Variants in SUDS3 observed in about 807,000 individuals in gnomAD.
The protein encoded by SUDS3 is sin3 histone deacetylase corepressor complex component SDS3.
In SUDS3, 23 loss-of-function variants were observed where a neutral mutation model predicts 53.5. That is an observed-to-expected ratio of 0.43 (90% CI 0.31 to 0.61). The LOEUF is 0.61. SUDS3 is among the 20% of genes least tolerant of loss of function. The pLI is 0.10. For missense variants in SUDS3, 291 were observed against 405.9 expected (o/e 0.72, Z 2.43); for synonymous variants, 150 against 148.5 (o/e 1.01, Z -0.08).
chr12:118,405,477 A>T (rs1209541889), intron 10 of SUDS3, among the ~76,000 whole-genome samples: 3 of 152,188 alleles, frequency 2.0e-5, no homozygotes, highest in African/African-American at 7.2e-5. Context: ...ATGTGTTAGA[A>T]CTCCTAAGCA....
At chr12:118,402,840 A>C (rs1347215753) in intron 9 of SUDS3, among the ~76,000 whole-genome samples, 1 of 151,366 alleles carries the variant, frequency 6.6e-6, no homozygotes, top group South Asian at 2.1e-4. Flanking sequence ...GGCTCAGTGC[A>C]ACCTCCGACT....
chr12:118,401,856 A>G (rs1176016804), intron 8 of SUDS3, 36 bp downstream of exon 8: 4 of 1,608,066 alleles, frequency 2.5e-6, no homozygotes, highest in African/African-American at 1.3e-5. Context: ...TTGAAAACTC[A>G]GGCTTTTGTG....
At chr12:118,406,476 T>G (rs1326990112) in intron 10 of SUDS3, among the ~76,000 whole-genome samples, 1 of 152,230 alleles carries the variant, frequency 6.6e-6, no homozygotes, top group Non-Finnish European at 1.5e-5. Flanking sequence ...GTCCACCTTC[T>G]TAAGAAATTG....
intron 4 of SUDS3, among the ~76,000 whole-genome samples, chr12:118,386,785 TA>T (rs1392867979): frequency 6.6e-6 from 1 of 152,204 alleles, no homozygotes. Context: ...TGACAAAAGA[TA>T]CCACATGTAT....
Position 118,410,046 on chromosome 12 carries a change from C to T in SUDS3, c.804-1027C>T, listed in dbSNP as rs563051162. On this transcript the variant is annotated intron_variant, in intron 10 of 11. Transcript: ENST00000543473. The stretch of plus-strand genomic sequence containing the variant: ...GCCAAATTAGATACCCTTTGGTATA[C>T]GTCATGGCACTTGGAACTTTGCCTG... Among the ~76,000 whole-genome samples, 29 of 152,342 alleles carry T rather than the reference C, an allele frequency of 1.9e-4. 1 individual carries two copies. The South Asian group carries it at 5.8e-3, about 30-fold the overall frequency.
chr12:118,400,133 G>A (rs572192710), intron 6 of SUDS3, among the ~76,000 whole-genome samples: 12 of 152,024 alleles, frequency 7.9e-5, no homozygotes, highest in African/African-American at 2.7e-4. Flanking sequence ...TGATAGTCAA[G>A]TAGCTACAAA....
chr12:118,401,743 C>G lies in SUDS3; in HGVS notation c.614-16C>G. Reference sequence around the variant, plus strand: ...GAAACTGTACTTTTCACATACAGTCCTTTAACTCTCAACACCCCAGCTAAA... The same window carrying G: ...GAAACTGTACTTTTCACATACAGTCGTTTAACTCTCAACACCCCAGCTAAA... On this transcript the variant is annotated splice_polypyrimidine_tract_variant and intron_variant, in intron 7 of 11. Transcript: ENST00000543473. 1 of 1,611,152 alleles carries G rather than the reference C, an allele frequency of 6.2e-7. No homozygotes were observed. Among genetic ancestry groups the G allele is most frequent in the Non-Finnish European group, 8.5e-7 (1 of 1,177,424 alleles).
chr12:118,391,233 A>G lies in SUDS3; in HGVS notation c.468A>G (p.Glu156=). The G allele has an allele frequency of 6.2e-7, 1 of 1,613,334 alleles. No individual in the cohort carries two copies. Among genetic ancestry groups the G allele is most frequent in the Non-Finnish European group, 8.5e-7 (1 of 1,179,762 alleles). ...AGAACCTGATTGCTGAGCTAGAAGA[A>G]AAGAAGAAAATGATTGAAAATGAAA... ...LKENLIAELE[E]KKKMIENEKL... The change falls in exon 6 of 12, where the codon GAA becomes GAG. Residue 156 remains glutamate, a synonymous_variant. Coordinates refer to ENST00000543473, the MANE Select transcript of SUDS3 (RefSeq NM_022491.3).
chr12:118,396,044 T>A (rs952913295), intron 6 of SUDS3, among the ~76,000 whole-genome samples: 1 of 152,084 alleles, frequency 6.6e-6, no homozygotes, highest in African/African-American at 2.4e-5. Context: ...CACCGCAGCA[T>A]TAATTTGTGT....
chr12:118,380,957 C>T (rs906656848), intron 2 of SUDS3, among the ~76,000 whole-genome samples: 10 of 152,172 alleles, frequency 6.6e-5, no homozygotes, highest in Admixed American at 5.9e-4. Context: ...CCCACCTTGG[C>T]CTTCCAAAGT....
In SUDS3 at chr12:118,415,128, A is replaced by G. The variant is rs2046389524; in HGVS notation, c.*695A>G. The G allele has an allele frequency of 6.6e-6, 1 of 152,216 alleles. No homozygotes were observed. The highest frequency in any genetic ancestry group is 1.5e-5 in the Non-Finnish European group (1 of 68,038). 9.4% of individuals were successfully genotyped at this position (152,216 alleles called of 1,614,324 possible). A position where few individuals can be genotyped will look rare whatever the true frequency, so the allele number is the denominator to read the frequency against. On this transcript the variant is annotated 3_prime_UTR_variant, in exon 12 of 12. Transcript: ENST00000543473. ...ATGTGCTGAAGGTACCATATTTTAA[A>G]TGTTATTTAATGCAGGTGATTTATT...
intron 3 of SUDS3, among the ~76,000 whole-genome samples, chr12:118,385,906 A>T (rs929861368): frequency 6.6e-6 from 1 of 152,144 alleles, no homozygotes; most frequent in Admixed American, 6.5e-5. Context: ...CAGACCCTTG[A>T]TCCACTGGGT....
At chr12:118,407,829 C>T (rs1215653084) in intron 10 of SUDS3, among the ~76,000 whole-genome samples, 1 of 151,028 alleles carries the variant, frequency 6.6e-6, no homozygotes, top group Non-Finnish European at 1.5e-5. Context: ...AGCGATTCTC[C>T]TACCTCAGCC....
chr12:118,404,641 G>A (rs747322954), intron 10 of SUDS3, among the ~76,000 whole-genome samples: 3 of 152,014 alleles, frequency 2.0e-5, no homozygotes, highest in Non-Finnish European at 2.9e-5. Context: ...TTATCCATAT[G>A]CAGGCATAGT....
Position 118,384,036 on chromosome 12 carries a change from T to C in SUDS3, c.237T>C (p.Ser79=), listed in dbSNP as rs1313738318. 1.9e-6 allele frequency: 3 copies of C among 1,613,718 alleles called. No individual in the cohort carries two copies. Among genetic ancestry groups the C allele is most frequent in the Admixed American group, 1.7e-5 (1 of 59,994 alleles). Residue 79 remains serine, a synonymous_variant, in exon 3 of 12, where the codon TCT becomes TCC. Transcript: ENST00000543473. ...GGATGTATCAGGACAAACTGGCTTC[T>C]CTCAAGAGGCAGTTGCAACAACTGC... ...KEQMYQDKLA[S]LKRQLQQLQE...
rs2046282267 is a variant in SUDS3 at position 118,403,473 on chromosome 12, C to T, written c.759C>T (p.Phe253=). The stretch of plus-strand genomic sequence containing the variant: ...CCGCGGAATCTCCAGCCCAGAGGTT[C>T]GAAGCTCGGATAGAAGATGGCAAAC... ...ATPAESPAQR[F]EARIEDGKLY... Residue 253 remains phenylalanine (F), a synonymous_variant, in exon 10 of 12, where the codon TTC becomes TTT. Coordinates refer to ENST00000543473, the MANE Select transcript of SUDS3 (RefSeq NM_022491.3). 5.0e-6 allele frequency: 8 copies of T among 1,613,592 alleles called. No individual in the cohort carries two copies. Among genetic ancestry groups the T allele is most frequent in the Middle Eastern group, 1.6e-4 (1 of 6,062 alleles).
At chr12:118,410,579 ATT>A (rs777048847) in intron 10 of SUDS3, among the ~76,000 whole-genome samples, 1 of 128,456 alleles carries the variant, frequency 7.8e-6, no homozygotes. Context: ...TTATTTATTT[ATT>A]TTATTTATTT....
At chr12:118,378,907 T>A (rs1195037899) in intron 1 of SUDS3, among the ~76,000 whole-genome samples, 1 of 152,008 alleles carries the variant, frequency 6.6e-6, no homozygotes, top group Non-Finnish European at 1.5e-5. Flanking sequence ...ACTCCCGACC[T>A]CAGGTGATCC....
At position 118,416,940 on chromosome 12, in the gene SUDS3, C is replaced by T. The variant is rs1028898126; in HGVS notation, c.*2507C>T. The T allele has an allele frequency of 2.6e-5, 4 of 152,190 alleles. No individual in the cohort carries two copies. The highest frequency in any genetic ancestry group is 9.7e-5 in the African/African-American group (4 of 41,438). The allele number at this position is 152,190 out of a possible 1,614,324, so 9.4% of individuals were successfully genotyped here. ...TACTTTGAAAAAGGTTGGTCCAGAC[C>T]ATTTTGATCAAGAACCTGTATATGT... On this transcript the variant is annotated 3_prime_UTR_variant, in exon 12 of 12. Coordinates refer to ENST00000543473, the MANE Select transcript of SUDS3 (RefSeq NM_022491.3).
Sources: gnomAD v4.1 joint callset for allele counts (sites outside exome capture counted in the v4.1 genomes callset) on GRCh38, gnomAD v4.1.1 for gene constraint, MANE v1.5 for transcripts, NCBI Gene and HGNC (gene_info 2026-07-23, HGNC 2026-07-21) for gene names.